Variants in CACNA1C observed in about 807,000 individuals in gnomAD.
CACNA1C encodes the protein calcium voltage-gated channel subunit alpha1 C, also known as voltage-dependent L-type calcium channel subunit alpha-1C.
In CACNA1C, 30 loss-of-function variants were observed where a neutral mutation model predicts 229.0. That is an observed-to-expected ratio of 0.13 (90% CI 0.10 to 0.18). The LOEUF (loss-of-function observed/expected upper bound fraction) is 0.18. Ranked by LOEUF, CACNA1C falls within the 10% of genes least tolerant of loss-of-function variation. The pLI is 1.00. For missense variants in CACNA1C, 1,658 were observed against 2,845.0 expected, an observed-to-expected ratio of 0.58 and a Z score of 9.49; for synonymous variants, 1,114 against 1,132.5, an observed-to-expected ratio of 0.98 and a Z score of 0.33.
intron 3 of CACNA1C, among the ~76,000 whole-genome samples, chr12:2,134,573 C>T (rs1361247346): frequency 7.7e-4 from 98 of 128,058 alleles, no homozygotes; most frequent in African/African-American, 1.7e-3. Flanking sequence ...TGAAGCTTAG[C>T]TTGGCTGGAT....
chr12:2,041,967 C>A (rs2154494736), intron 1 of CACNA1C, among the ~76,000 whole-genome samples: 1 of 152,228 alleles, frequency 6.6e-6, no homozygotes, highest in East Asian at 1.9e-4. Context: ...AGTTGACATC[C>A]CAAAAGTTTC....
intron 3 of CACNA1C, among the ~76,000 whole-genome samples, chr12:2,327,391 T>G (rs1378588726): frequency 2.6e-5 from 4 of 152,236 alleles, no homozygotes; most frequent in Non-Finnish European, 4.4e-5. Context: ...AGCAAGTGGT[T>G]GATTAGGTTG....
chr12:2,675,647 G>T (rs147094197), intron 39 of CACNA1C, among the ~76,000 whole-genome samples: 26 of 152,294 alleles, frequency 1.7e-4, no homozygotes, highest in African/African-American at 5.8e-4. Context: ...CACAGCAGTT[G>T]TATTCCTGGA....
At position 2,300,541 on chromosome 12, in the gene CACNA1C, A is replaced by T. The variant is rs370765757; in HGVS notation, c.478-148435A>T. ...CTTGGGAGGCTGAGGTGGGAGAATGACCTGAGCCTGGAAAGTGGAGGCTGC... is the reference window on the plus strand; with the variant it reads ...CTTGGGAGGCTGAGGTGGGAGAATGTCCTGAGCCTGGAAAGTGGAGGCTGC... On this transcript the variant is annotated intron_variant, in intron 3 of 46. Transcript: ENST00000399655. Among the ~76,000 whole-genome samples, 8 of 152,184 alleles carry T rather than the reference A, an allele frequency of 5.3e-5. No homozygotes were observed. The South Asian group carries it at 1.5e-3, about 28-fold the overall frequency.
At chr12:2,233,881 C>T (rs2066280820) in intron 3 of CACNA1C, among the ~76,000 whole-genome samples, 2 of 152,134 alleles carry the variant, frequency 1.3e-5, no homozygotes, top group South Asian at 4.1e-4. Context: ...GACTTTCCTC[C>T]ACCTACAAGT....
chr12:2,252,502 G>A (rs2075951051), intron 3 of CACNA1C, among the ~76,000 whole-genome samples: 2 of 152,312 alleles, frequency 1.3e-5, no homozygotes, highest in South Asian at 4.1e-4. Flanking sequence ...GTGCAGCTGA[G>A]GCTAAGAAGC....
At chr12:2,672,311 TCAACAA>T (rs1382398081) in intron 38 of CACNA1C, 1 of 152,126 alleles carries the variant, frequency 6.6e-6, no homozygotes, top group Non-Finnish European at 1.5e-5. Context: ...TCGGTGAACT[TCAACAA>T]TTACATAGAC....
chr12:2,211,868 A>G lies in CACNA1C; in HGVS notation c.477+91438A>G, dbSNP rs374346339. ...CGAGTAGCTGGGACTCCAGGCGCCC[A>G]CCACCACTCCCGGCTAATTTTTTTG... is the stretch of plus-strand genomic sequence containing the variant. On this transcript the variant is annotated intron_variant, in intron 3 of 46. Coordinates refer to ENST00000399655, the MANE Select transcript of CACNA1C (RefSeq NM_000719.7). Among the ~76,000 whole-genome samples, 14 of 151,422 alleles carry G rather than the reference A, an allele frequency of 9.2e-5. 1 individual carries two copies. The highest frequency in any genetic ancestry group is 7.9e-4 in the Admixed American group (12 of 15,214).
chr12:1,997,783 C>T lies in CACNA1C; in HGVS notation c.139+26582C>T, dbSNP rs996667506. ...ACCAGGTGACATTATTTGGTATTCC[C>T]TTCTTCGTGTCAACTAATAATTTCA... On this transcript the variant is annotated intron_variant, in intron 1 of 46. Transcript: ENST00000682462. 23 of 662,434 alleles carry T rather than the reference C, an allele frequency of 3.5e-5. No individual in the cohort carries two copies. The African/African-American group carries it at 4.1e-4, about 12-fold the overall frequency. 41.0% of individuals were successfully genotyped at this position (662,434 alleles called of 1,614,324 possible).
chr12:2,305,463 C>T (rs571339974), intron 3 of CACNA1C, among the ~76,000 whole-genome samples: 2 of 152,320 alleles, frequency 1.3e-5, no homozygotes, highest in South Asian at 4.2e-4. Flanking sequence ...GGTGTTTTCC[C>T]CATCCTCATG....
chr12:2,079,852 C>T (rs546335316), intron 1 of CACNA1C, among the ~76,000 whole-genome samples: 2 of 152,230 alleles, frequency 1.3e-5, no homozygotes, highest in Non-Finnish European at 2.9e-5. Context: ...GATGAGCTTA[C>T]AGTAAAAAAT....
chr12:2,197,678 A>G (rs2097451728), intron 3 of CACNA1C, among the ~76,000 whole-genome samples: 1 of 152,218 alleles, frequency 6.6e-6, no homozygotes. Context: ...CCCTCCTCCA[A>G]AAACATCCAG....
chr12:2,497,572 T>A (rs1477894928), intron 7 of CACNA1C, among the ~76,000 whole-genome samples: 1 of 152,154 alleles, frequency 6.6e-6, no homozygotes, highest in Admixed American at 6.5e-5. Flanking sequence ...TGTTGCACAC[T>A]GTGAACCACA....
chr12:2,400,013 A>G (rs2098654649), intron 3 of CACNA1C, among the ~76,000 whole-genome samples: 1 of 152,186 alleles, frequency 6.6e-6, no homozygotes, highest in Non-Finnish European at 1.5e-5. Flanking sequence ...AGCTGTGCCC[A>G]GTTTTTAAAG....
intron 10 of CACNA1C, among the ~76,000 whole-genome samples, chr12:2,551,265 C>G (rs1330722131): frequency 1.3e-5 from 2 of 152,082 alleles, no homozygotes; most frequent in African/African-American, 4.8e-5. Context: ...GGAGCTGGCA[C>G]CAGGAAGTCA....
At chr12:2,293,259 C>T (rs1021465049) in intron 3 of CACNA1C, among the ~76,000 whole-genome samples, 1 of 152,222 alleles carries the variant, frequency 6.6e-6, no homozygotes, top group African/African-American at 2.4e-5. Flanking sequence ...CTAGAATAGA[C>T]ACAAGCAAGT....
chr12:2,659,817 A>G (rs1332005870), intron 34 of CACNA1C: 2 of 151,810 alleles, frequency 1.3e-5, no homozygotes, highest in Non-Finnish European at 2.9e-5. Flanking sequence ...AAAAAAAAAC[A>G]CAACAACATC....
Position 2,238,278 on chromosome 12 carries a change from A to G in CACNA1C, c.477+117848A>G, listed in dbSNP as rs566272824. Among the ~76,000 whole-genome samples, 9 of 152,350 alleles carry G rather than the reference A, an allele frequency of 5.9e-5. No individual in the cohort carries two copies. In the South Asian group the frequency reaches 1.9e-3, roughly 32 times the overall value. ...GACGAGGTAACTAGGTGACTTTGGCATGACCTTCCCACGGAAATAACGGTG... is the reference window on the plus strand; with the variant it reads ...GACGAGGTAACTAGGTGACTTTGGCGTGACCTTCCCACGGAAATAACGGTG... On this transcript the variant is annotated intron_variant, in intron 3 of 46. Transcript: ENST00000399655.
intron 13 of CACNA1C, among the ~76,000 whole-genome samples, chr12:2,578,957 G>A (rs1211021149): frequency 1.3e-5 from 2 of 152,082 alleles, no homozygotes; most frequent in East Asian, 3.9e-4. Context: ...TCCCCTCTTA[G>A]AGACTGGATC....
Sources: allele counts gnomAD v4.1 joint callset (sites outside exome capture counted in the v4.1 genomes callset), GRCh38; gene constraint gnomAD v4.1.1; transcripts MANE v1.5; gene names NCBI Gene and HGNC (gene_info 2026-07-23, HGNC 2026-07-21).